The following LHFPL6 variants were observed in gnomAD, a reference collection of about 807,000 sequenced individuals.
LHFPL6 encodes the protein LHFPL tetraspan subfamily member 6 protein.
LHFPL6 carries 9 observed loss-of-function variants against 20.6 expected under a neutral mutation model. The ratio of observed to expected loss-of-function variants is 0.44; its 90% confidence interval spans 0.26 to 0.76. The LOEUF is 0.76. LHFPL6 is among the 30% of genes least tolerant of loss of function. LHFPL6 has a pLI of 0.20. For missense variants in LHFPL6, 218 were observed against 253.5 expected (o/e 0.86, Z 0.95); for synonymous variants, 105 against 98.7 (o/e 1.06, Z -0.38).
intron 2 of LHFPL6, among the ~76,000 whole-genome samples, chr13:39,465,759 G>T (rs1180641574): frequency 6.6e-6 from 1 of 152,120 alleles, no homozygotes; most frequent in African/African-American, 2.4e-5. Context: ...GCAGAACAGA[G>T]GTAGCACATT....
At chr13:39,441,922 C>A (rs1872149105) in intron 2 of LHFPL6, among the ~76,000 whole-genome samples, 1 of 150,768 alleles carries the variant, frequency 6.6e-6, no homozygotes, top group South Asian at 2.1e-4. Context: ...CTCCGCCTCC[C>A]AGGTTCAAGC....
chr13:39,473,543 C>T (rs897762303), intron 2 of LHFPL6, among the ~76,000 whole-genome samples: 2 of 151,364 alleles, frequency 1.3e-5, no homozygotes, highest in African/African-American at 2.4e-5. Flanking sequence ...AGTTTAATTT[C>T]TTCCAATATA....
chr13:39,539,498 C>T (rs2138502474), intron 2 of LHFPL6, among the ~76,000 whole-genome samples: 1 of 152,320 alleles, frequency 6.6e-6, no homozygotes, highest in South Asian at 2.1e-4. Context: ...TTTACCACTG[C>T]AACCCAGCTC....
chr13:39,569,488 T>C (rs9532401), intron 2 of LHFPL6, among the ~76,000 whole-genome samples: 73,287 of 151,386 alleles, frequency 0.48, 18,312 homozygotes, highest in South Asian at 0.57. Flanking sequence ...CCTGAAAAAA[T>C]TGCAAATGGT....
intron 2 of LHFPL6, among the ~76,000 whole-genome samples, chr13:39,427,975 C>G (rs569488772): frequency 1.2e-4 from 18 of 152,340 alleles, no homozygotes; most frequent in Admixed American, 3.9e-4. Context: ...GTGCTGGCTC[C>G]CCGCTTCACC....
chr13:39,418,915 T>C (rs1871413584), intron 2 of LHFPL6, among the ~76,000 whole-genome samples: 1 of 152,234 alleles, frequency 6.6e-6, no homozygotes, highest in Admixed American at 6.5e-5. Flanking sequence ...GAAATGGGTG[T>C]AATGTTTAGT....
At chr13:39,393,607 G>A (rs1343488610) in intron 2 of LHFPL6, among the ~76,000 whole-genome samples, 4 of 152,148 alleles carry the variant, frequency 2.6e-5, no homozygotes, top group African/African-American at 4.8e-5. Context: ...GGTGAGGATG[G>A]GGTCAATGAC....
At chr13:39,576,021 A>T (rs1401196816) in intron 2 of LHFPL6, among the ~76,000 whole-genome samples, 1 of 152,126 alleles carries the variant, frequency 6.6e-6, no homozygotes, top group Non-Finnish European at 1.5e-5. Flanking sequence ...GCTTTATTAC[A>T]ATTCAATTTT....
chr13:39,374,644 G>T (rs1413641495), intron 3 of LHFPL6, among the ~76,000 whole-genome samples: 2 of 152,146 alleles, frequency 1.3e-5, no homozygotes, highest in East Asian at 3.8e-4. Context: ...GATATTATCT[G>T]ACCCTTTATA....
At chr13:39,467,130 T>C (rs925337630) in intron 2 of LHFPL6, among the ~76,000 whole-genome samples, 2 of 152,188 alleles carry the variant, frequency 1.3e-5, no homozygotes, top group Non-Finnish European at 2.9e-5. Flanking sequence ...ATCTTCTTTG[T>C]GTCCCCATCT....
intron 2 of LHFPL6, among the ~76,000 whole-genome samples, chr13:39,387,577 T>C (rs1488526259): frequency 2.1e-5 from 3 of 143,166 alleles, no homozygotes; most frequent in Non-Finnish European, 4.5e-5. Context: ...AAAAAGAATA[T>C]ATCATTACCC....
intron 2 of LHFPL6, among the ~76,000 whole-genome samples, chr13:39,507,464 CT>C (rs1427733086): frequency 6.6e-6 from 1 of 152,196 alleles, no homozygotes; most frequent in African/African-American, 2.4e-5. Context: ...GCAGGCATTT[CT>C]CCCCAAAGTA....
At chr13:39,401,458 G>A (rs1235114096) in intron 2 of LHFPL6, among the ~76,000 whole-genome samples, 2 of 152,210 alleles carry the variant, frequency 1.3e-5, no homozygotes, top group African/African-American at 4.8e-5. Flanking sequence ...CATGCTGTCA[G>A]ATTCAATAAG....
chr13:39,537,683 A>T (rs1870662928), intron 2 of LHFPL6, among the ~76,000 whole-genome samples: 1 of 152,154 alleles, frequency 6.6e-6, no homozygotes. Context: ...ATATTCCTCT[A>T]CTTAAAAGGA....
intron 2 of LHFPL6, among the ~76,000 whole-genome samples, chr13:39,460,943 A>T (rs572326240): frequency 6.6e-6 from 1 of 152,252 alleles, no homozygotes; most frequent in South Asian, 2.1e-4. Flanking sequence ...CCAGGTGATA[A>T]GCATAATACC....
intron 2 of LHFPL6, among the ~76,000 whole-genome samples, chr13:39,511,087 G>C (rs1053024591): frequency 1.3e-5 from 2 of 152,068 alleles, no homozygotes; most frequent in African/African-American, 4.8e-5. Flanking sequence ...TGGCCAGGCT[G>C]TTCTCAAACT....
At chr13:39,542,353 T>C (rs7998105) in intron 2 of LHFPL6, among the ~76,000 whole-genome samples, 7 of 151,980 alleles carry the variant, frequency 4.6e-5, no homozygotes, top group African/African-American at 1.2e-4. Context: ...CTAATAAACG[T>C]TGGAAATGTG....
intron 2 of LHFPL6, among the ~76,000 whole-genome samples, chr13:39,462,826 G>C (rs1314827217): frequency 1.3e-5 from 2 of 152,122 alleles, no homozygotes; most frequent in Admixed American, 6.6e-5. Flanking sequence ...AGTTTTGTGG[G>C]AACAAGGTGA....
chr13:39,373,346 G>A (rs964090162), intron 3 of LHFPL6, among the ~76,000 whole-genome samples: 1 of 152,168 alleles, frequency 6.6e-6, no homozygotes, highest in African/African-American at 2.4e-5. Flanking sequence ...GTCAGAGGGG[G>A]TGAGCCAGGA....
Sources: allele counts gnomAD v4.1 joint callset (sites outside exome capture counted in the v4.1 genomes callset), GRCh38; gene constraint gnomAD v4.1.1; transcripts MANE v1.5; gene names NCBI Gene and HGNC (gene_info 2026-07-23, HGNC 2026-07-21).